BCL2L13: variants seen among roughly 807,000 people sequenced by gnomAD.
BCL2L13 encodes the protein bcl-2-like protein 13.
Under a neutral mutation model 25.8 loss-of-function variants are expected in BCL2L13, and 13 were observed. That is an observed-to-expected ratio of 0.50 (90% CI 0.33 to 0.80). The LOEUF is 0.80. Ranked by LOEUF, BCL2L13 falls within the 30% of genes least tolerant of loss-of-function variation. The pLI is 0.02. For missense variants in BCL2L13, 504 were observed against 574.9 expected, an observed-to-expected ratio of 0.88 and a Z score of 1.26; for synonymous variants, 244 against 230.3, an observed-to-expected ratio of 1.06 and a Z score of -0.54.
Position 17,728,217 on chromosome 22 carries a change from GCTAAGATC to G in BCL2L13, c.*685_*692del, listed in dbSNP as rs2061346138. 1 of 152,134 alleles carries G rather than the reference GCTAAGATC, an allele frequency of 6.6e-6. No homozygotes were observed. The highest frequency in any genetic ancestry group is 1.5e-5 in the Non-Finnish European group (1 of 68,302). The allele number at this position is 152,134 out of a possible 1,614,324, so 9.4% of individuals were successfully genotyped here. A position where few individuals can be genotyped will look rare whatever the true frequency, so the allele number is the denominator to read the frequency against. On this transcript the variant is annotated 3_prime_UTR_variant, in exon 7 of 7. Coordinates refer to ENST00000317582, the MANE Select transcript of BCL2L13 (RefSeq NM_015367.4). ...TGTTCCTCTTCACCCCCAGGTTCCT[GCTAAGATC>G]CCACGGGCGAGGGCTTGCTCTGGAC...
chr22:17,650,991 C>CTTTTTTT (rs35235295), intron 1 of BCL2L13, among the ~76,000 whole-genome samples: 2 of 105,396 alleles, frequency 1.9e-5, no homozygotes, highest in African/African-American at 3.8e-5. Flanking sequence ...CCATTCACTC[C>CTTTTTTT]TTTTTTTTTT....
intron 4 of BCL2L13, among the ~76,000 whole-genome samples, chr22:17,693,882 C>T (rs971371210): frequency 1.3e-5 from 2 of 152,004 alleles, no homozygotes; most frequent in East Asian, 3.9e-4. Flanking sequence ...GGATTAGAGG[C>T]GAGTGCCACC....
At chr22:17,726,620 G>A in intron 6 of BCL2L13, 57 bp from the exon 7 acceptor site, 10 of 1,549,322 alleles carry the variant, frequency 6.5e-6, no homozygotes, top group Non-Finnish European at 8.7e-6. Flanking sequence ...CCAGATTGAT[G>A]TTTATGTTTT....
chr22:17,643,723 G>A (rs913100934), intron 1 of BCL2L13, among the ~76,000 whole-genome samples: 2 of 151,936 alleles, frequency 1.3e-5, no homozygotes, highest in Admixed American at 6.6e-5. Context: ...CGCCTCCTGG[G>A]TTCATGCCAG....
At chr22:17,677,531 A>G (rs913732551) in intron 2 of BCL2L13, among the ~76,000 whole-genome samples, 3 of 152,186 alleles carry the variant, frequency 2.0e-5, no homozygotes, top group African/African-American at 7.2e-5. Flanking sequence ...CAGGAATTTG[A>G]GACCAGCCTG....
intron 2 of BCL2L13, among the ~76,000 whole-genome samples, chr22:17,680,215 C>CAAAA (rs71201867): frequency 1.5e-5 from 1 of 67,058 alleles, no homozygotes; most frequent in Non-Finnish European, 2.8e-5. Flanking sequence ...AACTCTCTCT[C>CAAAA]AAAAAAAAAA....
At chr22:17,653,878 G>A (rs2058765244) in intron 1 of BCL2L13, among the ~76,000 whole-genome samples, 1 of 151,610 alleles carries the variant, frequency 6.6e-6, no homozygotes, top group Non-Finnish European at 1.5e-5. Context: ...ATCATTCTAG[G>A]ATATTTATCT....
At chr22:17,699,106 G>A (rs2060356571) in intron 5 of BCL2L13, among the ~76,000 whole-genome samples, 2 of 152,068 alleles carry the variant, frequency 1.3e-5, no homozygotes, top group Admixed American at 1.3e-4. Flanking sequence ...CCTAATGAGT[G>A]GTTTTATCTA....
In BCL2L13 at chr22:17,704,150, A is replaced by G. The variant is rs1183392181; in HGVS notation, c.600+1764A>G. Among the ~76,000 whole-genome samples, 5 of 152,146 alleles carry G rather than the reference A, an allele frequency of 3.3e-5. No individual in the cohort carries two copies. The East Asian group carries it at 5.8e-4, about 18-fold the overall frequency. ...CATCCTGGCTTGAGTGCAGTGCGCA[A>G]TTGCAGCCCACTGCAGCCTCCGCCT... On this transcript the variant is annotated intron_variant, in intron 6 of 6. Coordinates refer to ENST00000317582, the MANE Select transcript of BCL2L13 (RefSeq NM_015367.4).
intron 1 of BCL2L13, among the ~76,000 whole-genome samples, chr22:17,646,057 A>G (rs2058461631): frequency 6.6e-6 from 1 of 151,530 alleles, no homozygotes; most frequent in Admixed American, 6.6e-5. Flanking sequence ...ACCATTTTGT[A>G]TAAGGAACTT....
At chr22:17,671,660 G>A (rs1447447030) in intron 2 of BCL2L13, among the ~76,000 whole-genome samples, 1 of 151,898 alleles carries the variant, frequency 6.6e-6, no homozygotes, top group Non-Finnish European at 1.5e-5. Context: ...AAACTTCTGA[G>A]CTCAGGCGAT....
intron 6 of BCL2L13, among the ~76,000 whole-genome samples, chr22:17,726,121 C>T (rs1228801431): frequency 2.0e-5 from 3 of 151,960 alleles, no homozygotes; most frequent in African/African-American, 7.2e-5. Context: ...GAGGCCAAGG[C>T]GGGTGGATCA....
intron 1 of BCL2L13, among the ~76,000 whole-genome samples, chr22:17,647,341 C>T (rs996424666): frequency 6.6e-6 from 1 of 151,974 alleles, no homozygotes; most frequent in Admixed American, 6.6e-5. Context: ...AACTCCTGAC[C>T]TCGTGATCCG....
chr22:17,725,584 T>C (rs1199403276), intron 6 of BCL2L13, among the ~76,000 whole-genome samples: 1 of 152,204 alleles, frequency 6.6e-6, no homozygotes, highest in African/African-American at 2.4e-5. Flanking sequence ...ATATGAACTC[T>C]TAATGGCACT....
chr22:17,635,076 T>C (rs1045780111), upstream of BCL2L13, among the ~76,000 whole-genome samples: 1 of 151,802 alleles, frequency 6.6e-6, no homozygotes, highest in African/African-American at 2.4e-5. Flanking sequence ...TAGCGCCTAT[T>C]AAAATCTGTC....
chr22:17,675,852 TA>T (rs1011649420), intron 2 of BCL2L13, among the ~76,000 whole-genome samples: 5 of 152,240 alleles, frequency 3.3e-5, no homozygotes, highest in African/African-American at 1.2e-4. Flanking sequence ...AGAGCAAGAA[TA>T]ACTGCCTGTC....
intron 3 of BCL2L13, 135 bp downstream of exon 3, chr22:17,683,456 T>C (rs962045412): frequency 3.5e-6 from 2 of 572,966 alleles, no homozygotes; most frequent in African/African-American, 2.0e-5. Context: ...GGTAGAAGTT[T>C]ATAAGGGTAA....
chr22:17,685,317 T>C (rs1479065544), intron 3 of BCL2L13, among the ~76,000 whole-genome samples: 1 of 152,000 alleles, frequency 6.6e-6, no homozygotes, highest in Non-Finnish European at 1.5e-5. Flanking sequence ...CCTCCGACTT[T>C]AAGGTTCAAG....
rs767770432 is a variant in BCL2L13 at position 17,648,925 on chromosome 22, GAA to G, written c.-50-6736_-50-6735del. ...ACAAATTTGAATACAACAAATTAGAGAATATCAATTTTTTTTTCTTTTAATTA... is the reference window on the plus strand; with the variant it reads ...ACAAATTTGAATACAACAAATTAGAGTATCAATTTTTTTTTCTTTTAATTA... On this transcript the variant is annotated intron_variant, in intron 1 of 6. Transcript: ENST00000317582. 8.6e-5 allele frequency among the ~76,000 whole-genome samples: 13 copies of G among 151,894 alleles called. No individual in the cohort carries two copies. In the East Asian group the frequency reaches 1.7e-3, roughly 20 times the overall value.
Sources: gnomAD v4.1 joint callset for allele counts (sites outside exome capture counted in the v4.1 genomes callset) on GRCh38, gnomAD v4.1.1 for gene constraint, MANE v1.5 for transcripts, NCBI Gene and HGNC (gene_info 2026-07-23, HGNC 2026-07-21) for gene names.